Variants in SUPT5H observed in about 807,000 individuals in gnomAD.
SUPT5H encodes SPT5 homolog, DSIF elongation factor subunit.
In SUPT5H, 24 loss-of-function variants were observed where a neutral mutation model predicts 142.5. That is an observed-to-expected ratio of 0.17 (90% CI 0.12 to 0.24). The LOEUF (loss-of-function observed/expected upper bound fraction) is 0.24, where lower values mean the gene tolerates loss of function less well. Among genes scored for constraint, SUPT5H ranks in the 10% least tolerant of loss-of-function variants. The pLI, the probability that SUPT5H is intolerant of heterozygous loss-of-function variation, is 1.00. For synonymous variants in SUPT5H, 546 were observed against 553.0 expected (o/e 0.99, Z 0.18); for missense variants, 893 against 1,471.8 (o/e 0.61, Z 6.43).
chr19:39,446,920 A>C (rs2078961348), intron 2 of SUPT5H, among the ~76,000 whole-genome samples: 1 of 152,204 alleles, frequency 6.6e-6, no homozygotes, highest in Admixed American at 6.5e-5. Flanking sequence ...GAAGCTGAGA[A>C]TCGCTTGAAC....
chr19:39,474,780 A>G lies in SUPT5H; in HGVS notation c.3024+62A>G, dbSNP rs2146131514. 6.6e-7 allele frequency: 1 copy of G among 1,513,878 alleles called. No individual in the cohort carries two copies. Among genetic ancestry groups the G allele is most frequent in the Non-Finnish European group, 9.0e-7 (1 of 1,115,320 alleles). The allele number at this position is 1,513,878 out of a possible 1,614,324, so 93.8% of individuals were successfully genotyped here. ...CTCTCCTTGGTACCCCCTAAACTGG[A>G]GACAGACCTGTCCCCAGATGGTGAC... On this transcript the variant is annotated intron_variant, in intron 28 of 29. Transcript: ENST00000432763. The surrounding 1 kb of genome is among the most constrained non-coding windows in gnomAD (Gnocchi z 6.5).
Position 39,471,603 on chromosome 19 carries a change from A to G in SUPT5H, c.1825-2A>G. On this transcript the variant is annotated splice_acceptor_variant, in intron 19 of 29. Transcript: ENST00000432763. LOFTEE classifies it high-confidence loss of function. The stretch of plus-strand genomic sequence containing the variant: ...GAGAGTGACCCTTCTCTCCCCGGCT[A>G]GGGCCGAGAAGGGGAGATTCGCCAT... 1.2e-6 allele frequency: 2 copies of G among 1,614,188 alleles called. No individual in the cohort carries two copies. Among genetic ancestry groups the G allele is most frequent in the Non-Finnish European group, 1.7e-6 (2 of 1,180,028 alleles).
chr19:39,474,404 T>TC lies in SUPT5H; in HGVS notation c.2820+2_2820+3insC. 1.2e-6 allele frequency: 2 copies of TC among 1,613,376 alleles called. No individual in the cohort carries two copies. The highest frequency in any genetic ancestry group is 1.7e-6 in the Non-Finnish European group (2 of 1,179,482). ...ACACCGTCGCCCATGGCCTATCAGGTAATGGTCTGCCTGCCTGCCCTGAAG... is the reference window on the plus strand; with the variant it reads ...ACACCGTCGCCCATGGCCTATCAGGTCAATGGTCTGCCTGCCTGCCCTGAAG... On this transcript the variant is annotated splice_region_variant and intron_variant, in intron 27 of 29. Transcript: ENST00000432763. This position sits in a 1 kb window ranked among gnomAD's most constrained non-coding sequence, Gnocchi z 6.5.
At position 39,458,041 on chromosome 19, in the gene SUPT5H, C is replaced by T. The variant is rs2079113487; in HGVS notation, c.308-253C>T. On this transcript the variant is annotated intron_variant, in intron 4 of 29. Coordinates refer to ENST00000432763, the MANE Select transcript of SUPT5H (RefSeq NM_001111020.3). This position sits in a 1 kb window ranked among gnomAD's most constrained non-coding sequence, Gnocchi z 4.2. ...CTCTGTCCCAAGATACCCCCCACTT[C>T]CTGGGCCAGTGCCCCCCTTTCCCCG... is the stretch of plus-strand genomic sequence containing the variant. 6 of 733,452 alleles carry T rather than the reference C, an allele frequency of 8.2e-6. No individual in the cohort carries two copies. The South Asian group carries it at 9.1e-5, about 11-fold the overall frequency. 45.4% of individuals were successfully genotyped at this position (733,452 alleles called of 1,614,324 possible).
At chr19:39,463,030 GT>G in intron 10 of SUPT5H, among the ~76,000 whole-genome samples, 1 of 123,074 alleles carries the variant, frequency 8.1e-6, no homozygotes, top group East Asian at 2.2e-4. Flanking sequence ...TTTTTTTTTG[GT>G]ATTTTTAGTA....
chr19:39,449,964 G>T (rs2079001061), intron 2 of SUPT5H, among the ~76,000 whole-genome samples: 1 of 145,234 alleles, frequency 6.9e-6, no homozygotes, highest in South Asian at 2.2e-4. Flanking sequence ...TTGAGACAGG[G>T]TCTCACTTTG....
intron 9 of SUPT5H, 114 bp from the exon 10 acceptor site, chr19:39,459,778 T>C (rs138570950): frequency 7.6e-7 from 1 of 1,312,296 alleles, no homozygotes; most frequent in Non-Finnish European, 1.1e-6. Context: ...CCATCCTTCT[T>C]TCTCTCTCCT....
In SUPT5H at chr19:39,473,138, C is replaced by T; in HGVS notation, c.2258+24C>T. 1 of 1,611,672 alleles carries T rather than the reference C, an allele frequency of 6.2e-7. No homozygotes were observed. Among genetic ancestry groups the T allele is most frequent in the Non-Finnish European group, 8.5e-7 (1 of 1,179,564 alleles). On this transcript the variant is annotated intron_variant, in intron 23 of 29. Coordinates refer to ENST00000432763, the MANE Select transcript of SUPT5H (RefSeq NM_001111020.3). This position sits in a 1 kb window ranked among gnomAD's most constrained non-coding sequence, Gnocchi z 5.8. ...GTGTACGGGCGGGGCCTGGGGAGGG[C>T]CAGGGTGGGGCTTGCTAGGCAGTGA...
chr19:39,468,984 A>C, intron 14 of SUPT5H, 95 bp from the exon 15 acceptor site: 1 of 1,563,010 alleles, frequency 6.4e-7, no homozygotes, highest in Non-Finnish European at 8.8e-7. Flanking sequence ...TCCCTAGGAG[A>C]ATTATTCCCC....
intron 3 of SUPT5H, among the ~76,000 whole-genome samples, chr19:39,457,277 A>G (rs900671819): frequency 6.6e-6 from 1 of 152,252 alleles, no homozygotes; most frequent in African/African-American, 2.4e-5. Context: ...GGTGTATAGT[A>G]TGCTCTCAGC....
At position 39,471,740 on chromosome 19, in the gene SUPT5H, G is replaced by A. The variant is rs2079323947; in HGVS notation, c.1950+10G>A. On this transcript the variant is annotated intron_variant, in intron 20 of 29. Transcript: ENST00000432763. ...GGCTGGGGGCTCAAAGGTGAGGTGGGCATGGCAGGACCCTGTGCGTTGGGT... is the reference window on the plus strand; with the variant it reads ...GGCTGGGGGCTCAAAGGTGAGGTGGACATGGCAGGACCCTGTGCGTTGGGT... The A allele has an allele frequency of 6.2e-7, 1 of 1,612,390 alleles. No individual in the cohort carries two copies. The highest frequency in any genetic ancestry group is 2.2e-5 in the East Asian group (1 of 44,878).
rs1254410916 is a variant in SUPT5H, at chr19:39,472,551, G to A, written c.2035+58G>A. 2 of 1,585,336 alleles carry A rather than the reference G, an allele frequency of 1.3e-6. No individual in the cohort carries two copies. Among genetic ancestry groups the A allele is most frequent in the Non-Finnish European group, 1.7e-6 (2 of 1,156,196 alleles). On this transcript the variant is annotated intron_variant, in intron 21 of 29. Transcript: ENST00000432763. This position sits in a 1 kb window ranked among gnomAD's most constrained non-coding sequence, Gnocchi z 4.2. ...GGTAGAAGGGGCTGGAAGGAACTTG[G>A]TTGTTCAGCCTACACTCACTGAGTG...
chr19:39,464,773 C>T, intron 10 of SUPT5H, 25 bp from the exon 11 acceptor site: 1 of 1,574,386 alleles, frequency 6.4e-7, no homozygotes, highest in Non-Finnish European at 8.7e-7. Context: ...TCACTGTTTC[C>T]TCCTTCCACC....
Position 39,472,131 on chromosome 19 carries a change from C to T in SUPT5H, c.1951-278C>T, listed in dbSNP as rs1413634271. ...GAGTGACCAGGGCTGCTGTTTTAGA[C>T]AGAGGAGGGTAAAAAAGGCCTCAGT... On this transcript the variant is annotated intron_variant, in intron 20 of 29. Coordinates refer to ENST00000432763, the MANE Select transcript of SUPT5H (RefSeq NM_001111020.3). The surrounding 1 kb of genome is among the most constrained non-coding windows in gnomAD (Gnocchi z 4.2). 6.6e-6 allele frequency among the ~76,000 whole-genome samples: 1 copy of T among 152,118 alleles called. No individual in the cohort carries two copies. Among genetic ancestry groups the T allele is most frequent in the Non-Finnish European group, 1.5e-5 (1 of 68,028 alleles).
chr19:39,455,299 T>C (rs1479833947), intron 3 of SUPT5H, among the ~76,000 whole-genome samples: 1 of 151,978 alleles, frequency 6.6e-6, no homozygotes, highest in Non-Finnish European at 1.5e-5. Context: ...TGGTGGCTCA[T>C]GCTTGTAATC....
rs1361827526 is a variant in SUPT5H, at chr19:39,458,053, C to T, written c.308-241C>T. ...ATACCCCCCACTTCCTGGGCCAGTG[C>T]CCCCCTTTCCCCGTTATTTTCCGTT... On this transcript the variant is annotated intron_variant, in intron 4 of 29. Transcript: ENST00000432763. The surrounding 1 kb of genome is among the most constrained non-coding windows in gnomAD (Gnocchi z 4.2). 5.4e-6 allele frequency: 4 copies of T among 744,796 alleles called. No homozygotes were observed. The highest frequency in any genetic ancestry group is 5.3e-5 in the African/African-American group (3 of 56,586). 46.1% of individuals were successfully genotyped at this position (744,796 alleles called of 1,614,324 possible).
At chr19:39,457,223 G>C (rs1202602952) in intron 3 of SUPT5H, among the ~76,000 whole-genome samples, 2 of 152,190 alleles carry the variant, frequency 1.3e-5, no homozygotes, top group Non-Finnish European at 2.9e-5. Context: ...GGGTTGCCAG[G>C]AAGATCAGTG....
intron 10 of SUPT5H, 123 bp downstream of exon 10, chr19:39,460,083 C>T: frequency 1.0e-6 from 1 of 959,398 alleles, no homozygotes. Context: ...GAGTGAGCTG[C>T]TTGAGCTGGA....
chr19:39,476,427 G>T lies in SUPT5H; in HGVS notation c.*28G>T. The T allele has an allele frequency of 1.2e-6, 2 of 1,612,646 alleles. No homozygotes were observed. The highest frequency in any genetic ancestry group is 1.7e-6 in the Non-Finnish European group (2 of 1,179,772). On this transcript the variant is annotated 3_prime_UTR_variant, in exon 30 of 30. Coordinates refer to ENST00000432763, the MANE Select transcript of SUPT5H (RefSeq NM_001111020.3). ...CAGGCAGGGCCGGTGGACTTCGTCGGATGAAGAGTGATCCTCCTTCCTTCC... is the reference window on the plus strand; with the variant it reads ...CAGGCAGGGCCGGTGGACTTCGTCGTATGAAGAGTGATCCTCCTTCCTTCC...
Sources: allele counts gnomAD v4.1 joint callset (sites outside exome capture counted in the v4.1 genomes callset), GRCh38; gene constraint gnomAD v4.1.1; non-coding constraint Gnocchi (gnomAD v3.1); transcripts MANE v1.5; gene names NCBI Gene and HGNC (gene_info 2026-07-23, HGNC 2026-07-21).